PXT1: variants seen among roughly 807,000 people sequenced by gnomAD.
PXT1 encodes the protein peroxisomal testis enriched protein 1.
Under a neutral mutation model 11.0 loss-of-function variants are expected in PXT1, and 11 were observed. The ratio of observed to expected loss-of-function variants is 1.00; its 90% CI spans 0.63 to 1.66. The LOEUF is 1.66. PXT1 is among the 40% of genes most tolerant of loss of function. The pLI is 0.00. For missense variants in PXT1, 141 were observed against 155.5 expected (o/e 0.91, Z 0.49); for synonymous variants, 43 against 51.4 (o/e 0.84, Z 0.70).
intron 1 of PXT1, among the ~76,000 whole-genome samples, chr6:36,440,337 G>A (rs140738068): frequency 0.017 from 2,600 of 152,294 alleles, 73 homozygotes; most frequent in African/African-American, 0.057. Flanking sequence ...TTGGGATGCC[G>A]AGGCGGGTGG....
intron 2 of PXT1, among the ~76,000 whole-genome samples, chr6:36,427,252 C>T (rs934050408): frequency 3.3e-5 from 5 of 152,146 alleles, no homozygotes; most frequent in African/African-American, 4.8e-5. Context: ...CTGCCCTCCT[C>T]AGCCTCCCAA....
chr6:36,393,503 G>C (rs148669642), intron 4 of PXT1: 1 of 152,616 alleles, frequency 6.6e-6, no homozygotes, highest in Non-Finnish European at 1.5e-5. Context: ...GCCAAGGCTG[G>C]TGGATCACTT....
chr6:36,403,091 C>T (rs907749595), intron 3 of PXT1, among the ~76,000 whole-genome samples: 6 of 152,106 alleles, frequency 3.9e-5, no homozygotes, highest in African/African-American at 1.2e-4. Context: ...AACTCGTGAC[C>T]TCAAGTGATC....
At chr6:36,431,321 T>C (rs1419017097) in intron 2 of PXT1, among the ~76,000 whole-genome samples, 1 of 152,224 alleles carries the variant, frequency 6.6e-6, no homozygotes, top group African/African-American at 2.4e-5. Flanking sequence ...GTATGTTGGT[T>C]GACAATGAAA....
intron 1 of PXT1, among the ~76,000 whole-genome samples, chr6:36,439,644 G>GAAA (rs11478447): frequency 9.7e-6 from 1 of 102,840 alleles, no homozygotes; most frequent in Non-Finnish European, 2.0e-5. Flanking sequence ...ATATAAGGCT[G>GAAA]AAAAAAAAAA....
chr6:36,425,963 C>A lies in PXT1; in HGVS notation c.120G>T (p.Met40Ile). The A allele has an allele frequency of 6.5e-7, 1 of 1,535,528 alleles. No individual in the cohort carries two copies. The highest frequency in any genetic ancestry group is 1.2e-5 in the South Asian group (1 of 83,574). Residue 40 changes from methionine (M) to isoleucine (I), a missense_variant, in exon 3 of 5, where the codon ATG (methionine) becomes ATT (isoleucine). By Grantham distance (10) the Met-to-Ile change is conservative. Coordinates refer to ENST00000454782, the MANE Select transcript of PXT1 (RefSeq NM_152990.4). ...WLKYSFQKAY[M>I]TQLVSSQPVP... is the part of the protein sequence containing the mutation. ...CTGGCTGGGAGCTGACAAGTTGGGT[C>A]ATGTATGCCTTCTGAAAACTGTATT...
intron 4 of PXT1, among the ~76,000 whole-genome samples, chr6:36,397,464 A>G (rs1221787147): frequency 6.6e-6 from 1 of 152,238 alleles, no homozygotes; most frequent in Non-Finnish European, 1.5e-5. Context: ...AACAACCCAT[A>G]TGCAAAAAAA....
intron 3 of PXT1, among the ~76,000 whole-genome samples, chr6:36,407,822 C>T (rs1774311751): frequency 1.3e-5 from 2 of 152,170 alleles, no homozygotes; most frequent in Non-Finnish European, 2.9e-5. Context: ...CAGTTTCCTT[C>T]CTACATTTTC....
rs1774441929 is a variant in PXT1 at position 36,416,048 on chromosome 6, A to C, written c.169+9866T>G. Among the ~76,000 whole-genome samples the C allele has an allele frequency of 1.3e-5, 2 of 152,220 alleles. 1 individual carries two copies. Among genetic ancestry groups the C allele is most frequent in the South Asian group, 4.2e-4 (2 of 4,814 alleles). ...AATTAGTCACTACCAGAAATAAAAA[A>C]AAGTGGCAGGGCAGGGTGGCTCACG... On this transcript the variant is annotated intron_variant, in intron 3 of 4. Coordinates refer to ENST00000454782, the MANE Select transcript of PXT1 (RefSeq NM_152990.4).
intron 3 of PXT1, among the ~76,000 whole-genome samples, chr6:36,405,050 C>T (rs11965915): frequency 1.8e-4 from 28 of 152,136 alleles, no homozygotes; most frequent in African/African-American, 6.5e-4. Flanking sequence ...GAGATGACAG[C>T]TCCATGCATA....
rs1035154004 is a variant in PXT1 at position 36,433,160 on chromosome 6, G to C, written c.-10+5607C>G. On this transcript the variant is annotated intron_variant, in intron 2 of 4. Transcript: ENST00000454782. ...TAAACCTCAAGCATGGAGGAATCAG[G>C]GGGGAAAAGAATCACAGAAAACTGA... 2.0e-5 allele frequency among the ~76,000 whole-genome samples: 3 copies of C among 151,590 alleles called. No individual in the cohort carries two copies. The East Asian group carries it at 6.0e-4, about 30-fold the overall frequency.
intron 3 of PXT1, among the ~76,000 whole-genome samples, chr6:36,424,426 G>C (rs1267504995): frequency 6.6e-6 from 1 of 151,964 alleles, no homozygotes. Context: ...CAGATCACGA[G>C]GTCAGGAGAT....
At chr6:36,405,057 C>T (rs888991924) in intron 3 of PXT1, among the ~76,000 whole-genome samples, 3 of 152,006 alleles carry the variant, frequency 2.0e-5, no homozygotes, top group African/African-American at 7.2e-5. Flanking sequence ...CAGCTCCATG[C>T]ATATATTGCC....
chr6:36,395,657 G>A (rs920279061), intron 4 of PXT1, among the ~76,000 whole-genome samples: 1 of 151,632 alleles, frequency 6.6e-6, no homozygotes, highest in Non-Finnish European at 1.5e-5. Flanking sequence ...CACCACACTC[G>A]GCTGGAATTT....
At chr6:36,417,262 G>A (rs897113365) in intron 3 of PXT1, among the ~76,000 whole-genome samples, 10 of 152,014 alleles carry the variant, frequency 6.6e-5, no homozygotes, top group African/African-American at 1.7e-4. Flanking sequence ...CAGGAAAATC[G>A]CTTGAACCCG....
chr6:36,400,061 G>C (rs1183494532), intron 4 of PXT1, among the ~76,000 whole-genome samples: 1 of 152,220 alleles, frequency 6.6e-6, no homozygotes, highest in Non-Finnish European at 1.5e-5. Flanking sequence ...AACTCAACAG[G>C]TGATTCTAAT....
chr6:36,431,469 G>T (rs552656254), intron 2 of PXT1, among the ~76,000 whole-genome samples: 7 of 152,100 alleles, frequency 4.6e-5, no homozygotes, highest in African/African-American at 1.7e-4. Flanking sequence ...CATGTTGGGC[G>T]TTACAAGAGT....
chr6:36,400,429 C>G, intron 4 of PXT1, 25 bp downstream of exon 4: 2 of 1,611,634 alleles, frequency 1.2e-6, no homozygotes, highest in Non-Finnish European at 1.7e-6. Flanking sequence ...CTGACAGGCC[C>G]TGGCTGGGGA....
At chr6:36,394,400 A>T (rs1470932179) in intron 4 of PXT1, among the ~76,000 whole-genome samples, 1 of 152,222 alleles carries the variant, frequency 6.6e-6, no homozygotes, top group Admixed American at 6.5e-5. Context: ...TCTTTCTAAC[A>T]AACTGAGAAA....
Sources: allele counts gnomAD v4.1 joint callset (sites outside exome capture counted in the v4.1 genomes callset), GRCh38; gene constraint gnomAD v4.1.1; transcripts MANE v1.5; gene names NCBI Gene and HGNC (gene_info 2026-07-23, HGNC 2026-07-21).